The following CFAP92 variants were observed in gnomAD, a reference collection of about 807,000 sequenced individuals.
CFAP92 encodes the protein cilia and flagella associated protein 92 (putative).
A neutral mutation model predicts 106.3 loss-of-function variants in CFAP92; 86 were observed. The observed-to-expected ratio is 0.81, with a 90% CI of 0.68 to 0.97. CFAP92 has a LOEUF of 0.97. CFAP92 is among the 50% of genes least tolerant of loss of function. The pLI, the probability that CFAP92 is intolerant of heterozygous loss-of-function variation, is 0.00. For synonymous variants in CFAP92, 477 were observed against 506.4 expected (o/e 0.94, Z 0.78); for missense variants, 1,204 against 1,283.8 (o/e 0.94, Z 0.95).
chr3:128,935,213 G>A lies in CFAP92; in HGVS notation c.2365C>T (p.Leu789Phe). 1.4e-5 allele frequency: 22 copies of A among 1,536,132 alleles called. No homozygotes were observed. The highest frequency in any genetic ancestry group is 1.9e-5 in the Non-Finnish European group (22 of 1,146,888). Residue 789 changes from leucine (L) to phenylalanine (F), a missense_variant, in exon 11 of 16, where the codon CTC (leucine) becomes TTC (phenylalanine). By Grantham distance (22) the Leu-to-Phe change is conservative (BLOSUM62 0). Transcript: ENST00000645291. ...DLEAILYHVHLFQPTELLLQQ... is the reference protein window; with the variant it reads ...DLEAILYHVHFFQPTELLLQQ... ...AGCAGCAGCTCCGTGGGCTGGAAGA[G>A]GTGCACGTGGTACAGGATGGCCTCC...
rs372017791 is a variant in CFAP92 at position 128,976,996 on chromosome 3, G to A, written c.879C>T (p.Asp293=). The part of the protein sequence containing the change: ...SEEYEKSLKM[D]DSSTIQWSVS... ...ATCCTTACTGAATCGTGGAAGAATC[G>A]TCCATTTTGAGGGACTTCTCATATT... The change falls in exon 6 of 16, where the codon GAC becomes GAT. Residue 293 remains aspartate, a synonymous_variant. Transcript: ENST00000645291. 7.4e-6 allele frequency: 12 copies of A among 1,613,432 alleles called. No homozygotes were observed. Among genetic ancestry groups the A allele is most frequent in the African/African-American group, 6.7e-5 (5 of 74,884 alleles).
At chr3:128,938,681 AC>A (rs1488032588) in intron 10 of CFAP92, among the ~76,000 whole-genome samples, 2 of 151,670 alleles carry the variant, frequency 1.3e-5, no homozygotes, top group African/African-American at 2.4e-5. Context: ...TTTAGTAGAG[AC>A]AGGGTTTCAC....
chr3:128,935,238 C>T lies in CFAP92; in HGVS notation c.2340G>A (p.Leu780=), dbSNP rs1938867909. ...GGTGCACGTGGTACAGGATGGCCTCCAGGTCCCCATAGAGCCGGCTGCGGA... is the reference window on the plus strand; with the variant it reads ...GGTGCACGTGGTACAGGATGGCCTCTAGGTCCCCATAGAGCCGGCTGCGGA... ...LLFRSRLYGD[L]EAILYHVHLF... is the part of the protein sequence containing the mutation. The change falls in exon 11 of 16, where the codon CTG becomes CTA. Residue 780 remains leucine (L), a synonymous_variant. Coordinates refer to ENST00000645291, the MANE Select transcript of CFAP92 (RefSeq NM_001394090.1). The T allele has an allele frequency of 6.5e-7, 1 of 1,536,056 alleles. No homozygotes were observed. Among genetic ancestry groups the T allele is most frequent in the South Asian group, 1.2e-5 (1 of 84,048 alleles).
At chr3:129,003,918 T>C, upstream of CFAP92, 1 of 1,358,454 alleles carries the variant, frequency 7.4e-7, no homozygotes, top group Non-Finnish European at 9.4e-7. Context: ...GCTGGGCGGC[T>C]GCGCCGTGGC....
At chr3:128,912,967 G>T (rs1212693760) in intron 15 of CFAP92, 4 of 480,596 alleles carry the variant, frequency 8.3e-6, no homozygotes, top group Non-Finnish European at 1.6e-5. Flanking sequence ...GGTGTGGATA[G>T]CCATTTCTGC....
chr3:128,934,467 C>T (rs1218958434), intron 11 of CFAP92, among the ~76,000 whole-genome samples: 1 of 152,164 alleles, frequency 6.6e-6, no homozygotes, highest in Non-Finnish European at 1.5e-5. Flanking sequence ...GATCCACCCG[C>T]CTTGGCCTCT....
chr3:128,968,383 G>A (rs1026938885), intron 8 of CFAP92: 2 of 152,196 alleles, frequency 1.3e-5, no homozygotes, highest in Admixed American at 6.5e-5. Context: ...ATTTGAAATT[G>A]AAGATGATTA....
chr3:128,912,661 G>T, intron 15 of CFAP92: 1 of 1,426,664 alleles, frequency 7.0e-7, no homozygotes, highest in South Asian at 1.1e-5. Flanking sequence ...GCCCGTTGCT[G>T]GATGACTGTT....
intron 11 of CFAP92, among the ~76,000 whole-genome samples, chr3:128,933,769 G>A (rs1347945974): frequency 6.6e-6 from 1 of 152,178 alleles, no homozygotes; most frequent in Non-Finnish European, 1.5e-5. Flanking sequence ...TCACCTACCA[G>A]GCAGGACCGG....
At chr3:129,008,817 C>T in the CFAP92 span, among the ~76,000 whole-genome samples, 3 of 152,212 alleles carry the variant, frequency 2.0e-5, no homozygotes, top group East Asian at 5.8e-4. Flanking sequence ...TGCTGAGGTG[C>T]ACAGTCCTCC....
At chr3:128,944,257 C>T (rs1456810513) in intron 10 of CFAP92, among the ~76,000 whole-genome samples, 1 of 151,822 alleles carries the variant, frequency 6.6e-6, no homozygotes, top group African/African-American at 2.4e-5. Context: ...GACTATTATA[C>T]ATAATGCTGC....
At chr3:129,015,001 AC>A in the CFAP92 span, among the ~76,000 whole-genome samples, 2 of 152,094 alleles carry the variant, frequency 1.3e-5, no homozygotes, top group Non-Finnish European at 2.9e-5. Flanking sequence ...CCACTCCTGG[AC>A]AGCTGTCCTA....
At chr3:128,967,050 A>G (rs1015516129) in intron 8 of CFAP92, 4 of 152,222 alleles carry the variant, frequency 2.6e-5, no homozygotes, top group African/African-American at 9.6e-5. Context: ...TCCAAGGCTC[A>G]ATTTCATCTT....
In CFAP92 at chr3:128,919,143, C is replaced by T. The variant is rs560235727; in HGVS notation, c.2752-2872G>A. ...TGTATTTTTAGTAGAGACAGGGTTTCACCATGTTCAGGCTGGTCTCGAACG... is the reference window on the plus strand; with the variant it reads ...TGTATTTTTAGTAGAGACAGGGTTTTACCATGTTCAGGCTGGTCTCGAACG... On this transcript the variant is annotated intron_variant, in intron 12 of 15. Coordinates refer to ENST00000645291, the MANE Select transcript of CFAP92 (RefSeq NM_001394090.1). 7.2e-5 allele frequency among the ~76,000 whole-genome samples: 11 copies of T among 152,032 alleles called. 1 individual carries two copies. The South Asian group carries it at 2.1e-3, about 29-fold the overall frequency.
At chr3:128,969,579 A>T (rs998990127) in intron 8 of CFAP92, 38 of 152,060 alleles carry the variant, frequency 2.5e-4, no homozygotes, top group African/African-American at 9.2e-4. Flanking sequence ...TCTCGAAAAA[A>T]AAAAAAGAGA....
chr3:129,007,787 A>G, the CFAP92 span, among the ~76,000 whole-genome samples: 1 of 152,176 alleles, frequency 6.6e-6, no homozygotes, highest in African/African-American at 2.4e-5. Flanking sequence ...TGTTCATGTT[A>G]GGGCTTCTAT....
upstream of CFAP92, among the ~76,000 whole-genome samples, chr3:128,996,078 T>C (rs1238249645): frequency 6.6e-6 from 1 of 152,180 alleles, no homozygotes; most frequent in African/African-American, 2.4e-5. Context: ...TTTTGAGGTA[T>C]AGTATTCATG....
chr3:128,981,388 T>C (rs1315807911), intron 4 of CFAP92, among the ~76,000 whole-genome samples: 1 of 149,912 alleles, frequency 6.7e-6, no homozygotes, highest in African/African-American at 2.5e-5. Context: ...TGGAGTGCAA[T>C]GGCACAATTT....
intron 10 of CFAP92, among the ~76,000 whole-genome samples, chr3:128,942,926 T>C: frequency 6.9e-6 from 1 of 144,748 alleles, no homozygotes; most frequent in East Asian, 2.0e-4. Flanking sequence ...CTTTTTTTTT[T>C]TTTTTTTTTT....
Sources: allele counts gnomAD v4.1 joint callset (sites outside exome capture counted in the v4.1 genomes callset), GRCh38; gene constraint gnomAD v4.1.1; transcripts MANE v1.5; gene names NCBI Gene and HGNC (gene_info 2026-07-23, HGNC 2026-07-21).